The following RBMX variants were observed in gnomAD, a reference collection of about 807,000 sequenced individuals.
The protein encoded by RBMX is RNA binding motif protein X-linked.
RBMX carries 1 observed loss-of-function variant against 29.3 expected under a neutral mutation model. That is an observed-to-expected ratio of 0.03 (90% CI 0.01 to 0.16). RBMX has a LOEUF of 0.16. Ranked by LOEUF, RBMX falls within the 10% of genes least tolerant of loss-of-function variation. RBMX has a pLI of 1.00. For missense variants in RBMX, 121 were observed against 333.2 expected (o/e 0.36, Z 4.96); for synonymous variants, 102 against 102.3 (o/e 1.00, Z 0.02).
Position 136,873,656 on chromosome X carries a change from T to A in RBMX, c.*486A>T, listed in dbSNP as rs1276724883. The A allele has an allele frequency of 1.3e-6, 1 of 754,947 alleles. No homozygotes were observed. The highest frequency in any genetic ancestry group is 1.6e-6 in the Non-Finnish European group (1 of 639,330). 62.2% of individuals were successfully genotyped at this position (754,947 alleles called of 1,213,427 possible). On this transcript the variant is annotated 3_prime_UTR_variant, in exon 9 of 9. Transcript: ENST00000320676. ...GCACTTTCCTTACATAGGCATGTGA[T>A]TTCAGGTTTTTCGTACTGAGAACAT... is the stretch of plus-strand genomic sequence containing the variant.
chrX:136,877,812 A>G (rs897065166), intron 4 of RBMX, 103 bp downstream of exon 4: 5 of 814,528 alleles, frequency 6.1e-6, no homozygotes, highest in Non-Finnish European at 8.5e-6. Flanking sequence ...GTCAATTTCA[A>G]AAGTTGGCAC....
Position 136,876,675 on chromosome X carries a change from G to GAA in RBMX, c.389-22_389-21dup. ...CGTCATCTGCATCAAAAATAGAAAA[G>GAA]AAAAATATTACTACTCACAAGAATC... is the stretch of plus-strand genomic sequence containing the variant. On this transcript the variant is annotated intron_variant, in intron 4 of 8. Transcript: ENST00000320676. 4 of 1,078,985 alleles carry GAA rather than the reference G, an allele frequency of 3.7e-6. No individual in the cohort carries two copies. The highest frequency in any genetic ancestry group is 4.9e-6 in the Non-Finnish European group (4 of 809,684). The allele number at this position is 1,078,985 out of a possible 1,213,427, so 88.9% of individuals were successfully genotyped here. A position where few individuals can be genotyped will look rare whatever the true frequency, so the allele number is the denominator to read the frequency against.
In RBMX at chrX:136,874,030, TA is replaced by T; in HGVS notation, c.*111del. 3.6e-6 allele frequency: 4 copies of T among 1,118,684 alleles called. No homozygotes were observed. The highest frequency in any genetic ancestry group is 4.7e-6 in the Non-Finnish European group (4 of 851,472). 92.2% of individuals were successfully genotyped at this position (1,118,684 alleles called of 1,213,427 possible). On this transcript the variant is annotated 3_prime_UTR_variant, in exon 9 of 9. Transcript: ENST00000320676. ...ATGGAGGGGAACTTAACAGGGAATT[TA>T]AAAAAAGTAACACAATTTTTCCTTT...
chrX:136,873,485 T>C lies in RBMX; in HGVS notation c.*657A>G. 1.3e-6 allele frequency: 1 copy of C among 753,526 alleles called. No individual in the cohort carries two copies. The highest frequency in any genetic ancestry group is 1.6e-6 in the Non-Finnish European group (1 of 638,349). The allele number at this position is 753,526 out of a possible 1,213,427, so 62.1% of individuals were successfully genotyped here. A position where few individuals can be genotyped will look rare whatever the true frequency, so the allele number is the denominator to read the frequency against. On this transcript the variant is annotated 3_prime_UTR_variant, in exon 9 of 9. Coordinates refer to ENST00000320676, the MANE Select transcript of RBMX (RefSeq NM_002139.4). ...GTTGGTTTTGGCCAAACTTTTTATT[T>C]AGTATTCTGTAGTTGTTTAACACAC...
intron 4 of RBMX, among the ~76,000 whole-genome samples, chrX:136,877,017 A>G (rs975718962): frequency 2.8e-5 from 3 of 107,619 alleles, no homozygotes; most frequent in African/African-American, 6.7e-5. Flanking sequence ...CGGCCACTAT[A>G]AAAGTTTTCT....
chrX:136,876,750 C>CA, intron 4 of RBMX, 95 bp from the exon 5 acceptor site: 1 of 778,381 alleles, frequency 1.3e-6, no homozygotes, highest in East Asian at 4.0e-5. Flanking sequence ...CACTGTCGCC[C>CA]AGGCTGGAGT....
At chrX:136,872,004 G>GAGCT (rs2077688406), downstream of RBMX, among the ~76,000 whole-genome samples, 1 of 110,899 alleles carries the variant, frequency 9.0e-6, no homozygotes, top group Non-Finnish European at 1.9e-5. Context: ...TGCATATGAA[G>GAGCT]AGCTATAAGC....
At chrX:136,877,574 C>T (rs956904486) in intron 4 of RBMX, among the ~76,000 whole-genome samples, 2 of 107,835 alleles carry the variant, frequency 1.9e-5, no homozygotes, top group Non-Finnish European at 3.8e-5. Context: ...CCTCAGCCTC[C>T]GTAGTAGCTG....
chrX:136,869,483 C>A (rs1053121), downstream of RBMX: 1 of 111,443 alleles, frequency 9.0e-6, no homozygotes, highest in Non-Finnish European at 1.9e-5. Context: ...ATCTAAATAT[C>A]TTAAATATTT....
Position 136,873,491 on chromosome X carries a change from T to G in RBMX, c.*651A>C. 2 of 753,628 alleles carry G rather than the reference T, an allele frequency of 2.7e-6. No homozygotes were observed. Among genetic ancestry groups the G allele is most frequent in the Non-Finnish European group, 3.1e-6 (2 of 638,334 alleles). The allele number at this position is 753,628 out of a possible 1,213,427, so 62.1% of individuals were successfully genotyped here. A position where few individuals can be genotyped will look rare whatever the true frequency, so the allele number is the denominator to read the frequency against. ...TTTGGCCAAACTTTTTATTTAGTATTCTGTAGTTGTTTAACACACACTTAA... is the reference window on the plus strand; with the variant it reads ...TTTGGCCAAACTTTTTATTTAGTATGCTGTAGTTGTTTAACACACACTTAA... On this transcript the variant is annotated 3_prime_UTR_variant, in exon 9 of 9. Transcript: ENST00000320676.
downstream of RBMX, among the ~76,000 whole-genome samples, chrX:136,871,455 A>G (rs964556188): frequency 9.2e-6 from 1 of 108,384 alleles, no homozygotes; most frequent in Admixed American, 1.0e-4. Context: ...AAAAAAAAAA[A>G]AAAAAGGTAA....
chrX:136,874,976 AAAGC>A, intron 8 of RBMX, 106 bp downstream of exon 8: 1 of 1,111,345 alleles, frequency 9.0e-7, no homozygotes, highest in Non-Finnish European at 1.2e-6. Context: ...TACCCCTTTA[AAAGC>A]AAGCAAACAT....
At chrX:136,869,987 T>C (rs1414118283), downstream of RBMX, 1 of 112,393 alleles carries the variant, frequency 8.9e-6, no homozygotes, top group African/African-American at 3.2e-5. Flanking sequence ...ACTAAACTGT[T>C]TGTGGATAAG....
chrX:136,875,029 C>T (rs774674222), intron 8 of RBMX, 57 bp downstream of exon 8: 52 of 1,198,209 alleles, frequency 4.3e-5, no homozygotes, highest in Non-Finnish European at 5.8e-5. Flanking sequence ...AATAAACTGG[C>T]TCACGAACCT....
At chrX:136,869,696 A>C (rs1471818694), downstream of RBMX, 4 of 109,560 alleles carry the variant, frequency 3.7e-5, no homozygotes, top group Non-Finnish European at 5.7e-5. Flanking sequence ...GTTCCAAATA[A>C]GACAGTGCCA....
chrX:136,874,542 A>T (rs755595538), intron 8 of RBMX, 90 bp from the exon 9 acceptor site: 1 of 1,067,277 alleles, frequency 9.4e-7, no homozygotes, highest in Admixed American at 2.7e-5. Context: ...TCTTGTATTA[A>T]AAGTTTACTT....
Position 136,876,550 on chromosome X carries a change from G to A in RBMX, c.494C>T (p.Ser165Phe). Residue 165 changes from serine to phenylalanine, a missense_variant, in exon 5 of 9, where the codon TCT becomes TTT. Transcript: ENST00000320676. ...PRSGGPPPKR[S>F]APSGPVRSSS... ...ACTGCGAACTGGTCCTGAAGGTGCA[G>A]ATCTCTTAGGAGGAGGACCCCCACT... The A allele has an allele frequency of 8.3e-7, 1 of 1,206,407 alleles. No individual in the cohort carries two copies. Among genetic ancestry groups the A allele is most frequent in the Non-Finnish European group, 1.1e-6 (1 of 893,576 alleles).
chrX:136,873,206 A>G (rs1353117403), downstream of RBMX: 1 of 113,972 alleles, frequency 8.8e-6, no homozygotes, highest in African/African-American at 3.3e-5. Flanking sequence ...GTAAGTGTTC[A>G]ATTTCGACTT....
chrX:136,875,117 T>G lies in RBMX; in HGVS notation c.834A>C (p.Gly278=). The change falls in exon 8 of 9, where the codon GGA becomes GGC. Residue 278 remains glycine, a synonymous_variant. Coordinates refer to ENST00000320676, the MANE Select transcript of RBMX (RefSeq NM_002139.4). The part of the protein sequence containing the change: ...RDRDYSDHPS[G]GSYRDSYESY... Reference sequence around the variant, plus strand: ...TCTCATATGAATCTCTGTAGGAACCTCCACTTGGATGATCTGAATAGTCAC... The same window carrying G: ...TCTCATATGAATCTCTGTAGGAACCGCCACTTGGATGATCTGAATAGTCAC... 1 of 1,211,858 alleles carries G rather than the reference T, an allele frequency of 8.3e-7. No individual in the cohort carries two copies. Among genetic ancestry groups the G allele is most frequent in the Non-Finnish European group, 1.1e-6 (1 of 895,589 alleles).
Sources: allele counts gnomAD v4.1 joint callset (sites outside exome capture counted in the v4.1 genomes callset), GRCh38; gene constraint gnomAD v4.1.1; transcripts MANE v1.5; gene names NCBI Gene and HGNC (gene_info 2026-07-23, HGNC 2026-07-21).